ARHGEF12: variants seen among roughly 807,000 people sequenced by gnomAD.
The protein encoded by ARHGEF12 is Rho guanine nucleotide exchange factor 12.
A neutral mutation model predicts 211.2 loss-of-function variants in ARHGEF12; 66 were observed. That is an observed-to-expected ratio of 0.31 (90% CI 0.26 to 0.38). ARHGEF12 has a LOEUF of 0.38. Ranked by LOEUF, ARHGEF12 falls within the 10% of genes least tolerant of loss-of-function variation. ARHGEF12 has a pLI of 1.00. For synonymous variants in ARHGEF12, 592 were observed against 638.4 expected, an observed-to-expected ratio of 0.93 and a Z score of 1.09; for missense variants, 1,429 against 1,869.5, an observed-to-expected ratio of 0.76 and a Z score of 4.34.
chr11:120,380,778 G>A (rs1337051277), intron 1 of ARHGEF12, among the ~76,000 whole-genome samples: 1 of 152,150 alleles, frequency 6.6e-6, no homozygotes, highest in Non-Finnish European at 1.5e-5. Context: ...AAATTCTTCT[G>A]TAAGGAAGAT....
rs1269673404 is a variant in ARHGEF12, at chr11:120,454,008, T to A, written c.2056+2284T>A. On this transcript the variant is annotated intron_variant, in intron 22 of 40. Transcript: ENST00000397843. ...GACTAGAAGAAAAAAACAGTGCTCT[T>A]TTTTAAAATAATTCAGTGAATTGTG... 3.3e-5 allele frequency among the ~76,000 whole-genome samples: 5 copies of A among 152,214 alleles called. No individual in the cohort carries two copies. The East Asian group carries it at 9.6e-4, about 29-fold the overall frequency.
intron 1 of ARHGEF12, chr11:120,337,658 T>C (rs904477233): frequency 4.9e-5 from 48 of 985,332 alleles, no homozygotes; most frequent in Non-Finnish European, 5.4e-5. Context: ...AGCCGTGTCC[T>C]GCAGTAGATT....
intron 1 of ARHGEF12, among the ~76,000 whole-genome samples, chr11:120,347,132 T>TTTCTTTCC (rs1942759011): frequency 2.6e-5 from 3 of 115,602 alleles, no homozygotes; most frequent in Non-Finnish European, 5.4e-5. Flanking sequence ...TCTTTCTTTC[T>TTTCTTTCC]TTCCTTCCTT....
chr11:120,393,868 T>C (rs1944292953), intron 1 of ARHGEF12, among the ~76,000 whole-genome samples: 1 of 152,266 alleles, frequency 6.6e-6, no homozygotes, highest in Middle Eastern at 3.4e-3. Flanking sequence ...TTTTTTTTTT[T>C]TTCATGTTTG....
chr11:120,481,384 G>C lies in ARHGEF12; in HGVS notation c.4362G>C (p.Gln1454His), dbSNP rs1046960615. ...GIPAVESTHQ[Q>H]QHSPQNTHSD... Reference sequence around the variant, plus strand: ...CTGCTGTGGAATCCACCCACCAGCAGCAACATTCTCCTCAGAATACTCACT... The same window carrying C: ...CTGCTGTGGAATCCACCCACCAGCACCAACATTCTCCTCAGAATACTCACT... Residue 1454 changes from glutamine to histidine, a missense_variant, in exon 39 of 41, where the codon CAG becomes CAC. Physicochemically the swap from Gln to His is conservative, Grantham distance 24. Coordinates refer to ENST00000397843, the MANE Select transcript of ARHGEF12 (RefSeq NM_015313.3). The C allele has an allele frequency of 3.1e-6, 5 of 1,614,166 alleles. No individual in the cohort carries two copies. The Admixed American group carries it at 8.3e-5, about 27-fold the overall frequency.
At chr11:120,343,494 G>T (rs1043588497) in intron 1 of ARHGEF12, among the ~76,000 whole-genome samples, 1 of 152,182 alleles carries the variant, frequency 6.6e-6, no homozygotes, top group Non-Finnish European at 1.5e-5. Context: ...TGAGTATATA[G>T]TGTCGACTTT....
At chr11:120,361,416 C>A (rs1181707901) in intron 1 of ARHGEF12, among the ~76,000 whole-genome samples, 5 of 152,168 alleles carry the variant, frequency 3.3e-5, no homozygotes, top group African/African-American at 4.8e-5. Flanking sequence ...ACTCAAATCC[C>A]CATCTGTGGA....
intron 1 of ARHGEF12, among the ~76,000 whole-genome samples, chr11:120,386,954 G>T (rs1944050038): frequency 6.6e-6 from 1 of 152,060 alleles, no homozygotes; most frequent in South Asian, 2.1e-4. Context: ...GTAGATTAAA[G>T]CATTTTATCA....
chr11:120,483,576 A>G (rs967427819), intron 39 of ARHGEF12, among the ~76,000 whole-genome samples: 3 of 151,554 alleles, frequency 2.0e-5, no homozygotes, highest in Non-Finnish European at 2.9e-5. Flanking sequence ...GGTGCCCGCC[A>G]CCACACCCAG....
chr11:120,370,831 A>AT (rs200625784), intron 1 of ARHGEF12, among the ~76,000 whole-genome samples: 40 of 136,446 alleles, frequency 2.9e-4, no homozygotes, highest in African/African-American at 5.7e-4. Context: ...ACCTCCTTTC[A>AT]TTTTTTTTTT....
In ARHGEF12 at chr11:120,479,942, C is replaced by G. The variant is rs1947177885; in HGVS notation, c.3767-18C>G. ...TTGTGAATATGTTTTTTTTCCCCCTCCTTCCTAAATCGTTTAGTGGGTTTG... is the reference window on the plus strand; with the variant it reads ...TTGTGAATATGTTTTTTTTCCCCCTGCTTCCTAAATCGTTTAGTGGGTTTG... On this transcript the variant is annotated intron_variant, in intron 37 of 40. Coordinates refer to ENST00000397843, the MANE Select transcript of ARHGEF12 (RefSeq NM_015313.3). 1.3e-6 allele frequency: 2 copies of G among 1,591,492 alleles called. No homozygotes were observed. The highest frequency in any genetic ancestry group is 2.2e-5 in the East Asian group (1 of 44,526).
At chr11:120,467,430 T>TTTA in intron 29 of ARHGEF12, 122 bp downstream of exon 29, 3 of 543,912 alleles carry the variant, frequency 5.5e-6, no homozygotes, top group African/African-American at 2.0e-5. Flanking sequence ...ATGACAAGAT[T>TTTA]TTCTTTTTTT....
intron 26 of ARHGEF12, 72 bp from the exon 27 acceptor site, chr11:120,460,600 C>A: frequency 8.0e-7 from 1 of 1,251,194 alleles, no homozygotes; most frequent in Non-Finnish European, 1.1e-6. Flanking sequence ...AAAAAATTAG[C>A]TACTCTGTAC....
intron 11 of ARHGEF12, among the ~76,000 whole-genome samples, chr11:120,434,907 A>AC (rs35910316): frequency 2.2e-4 from 33 of 152,310 alleles, no homozygotes; most frequent in African/African-American, 7.9e-4. Context: ...TTTTGTTTGT[A>AC]CCCCCTATTC....
At chr11:120,462,627 A>G (rs371904993) in intron 27 of ARHGEF12, 1 of 152,244 alleles carries the variant, frequency 6.6e-6, no homozygotes, top group Admixed American at 6.5e-5. Flanking sequence ...GAAAAGCAGA[A>G]TGGTGGTTTG....
Position 120,429,520 on chromosome 11 carries a change from A to G in ARHGEF12, c.663+3A>G. On this transcript the variant is annotated splice_donor_region_variant and intron_variant, in intron 9 of 40. Coordinates refer to ENST00000397843, the MANE Select transcript of ARHGEF12 (RefSeq NM_015313.3). Reference sequence around the variant, plus strand: ...AGAAAGAACAGGAACGGCTACAGGTATTAAATGAGAAGTAGGGCTGTTTAC... The same window carrying G: ...AGAAAGAACAGGAACGGCTACAGGTGTTAAATGAGAAGTAGGGCTGTTTAC... 1 of 1,613,234 alleles carries G rather than the reference A, an allele frequency of 6.2e-7. No homozygotes were observed. The highest frequency in any genetic ancestry group is 8.5e-7 in the Non-Finnish European group (1 of 1,179,678).
chr11:120,349,129 T>A (rs1942856947), intron 1 of ARHGEF12, among the ~76,000 whole-genome samples: 1 of 152,216 alleles, frequency 6.6e-6, no homozygotes, highest in Non-Finnish European at 1.5e-5. Flanking sequence ...GAGGTCTCTA[T>A]AGTAGTTACT....
chr11:120,453,378 C>T (rs77017283), intron 22 of ARHGEF12, among the ~76,000 whole-genome samples: 2 of 152,160 alleles, frequency 1.3e-5, no homozygotes, highest in South Asian at 4.2e-4. Flanking sequence ...AATGTGTTAT[C>T]AGGAAATAAG....
At chr11:120,347,835 C>T (rs1329894927) in intron 1 of ARHGEF12, among the ~76,000 whole-genome samples, 2 of 152,044 alleles carry the variant, frequency 1.3e-5, no homozygotes, top group African/African-American at 2.4e-5. Flanking sequence ...AGGTAATAAA[C>T]AGTGGGACAC....
Sources: allele counts gnomAD v4.1 joint callset (sites outside exome capture counted in the v4.1 genomes callset), GRCh38; gene constraint gnomAD v4.1.1; transcripts MANE v1.5; gene names NCBI Gene and HGNC (gene_info 2026-07-23, HGNC 2026-07-21).